Variants in VPS13C observed in about 807,000 individuals in gnomAD.
VPS13C encodes vacuolar protein sorting 13 homolog C, also known as intermembrane lipid transfer protein VPS13C.
VPS13C carries 358 observed loss-of-function variants against 456.8 expected under a neutral mutation model. That is an observed-to-expected ratio of 0.78 (90% CI 0.72 to 0.86). VPS13C has a LOEUF of 0.86. Among genes scored for constraint, VPS13C ranks in the 40% least tolerant of loss-of-function variants. The pLI is 0.00. For missense variants in VPS13C, 4,818 were observed against 4,385.4 expected, an observed-to-expected ratio of 1.10 and a Z score of -2.79; for synonymous variants, 1,578 against 1,486.7, an observed-to-expected ratio of 1.06 and a Z score of -1.41.
rs1207845692 is a variant in VPS13C at position 61,920,116 on chromosome 15, G to T, written c.7428C>A (p.Asn2476Lys). 1 of 1,613,206 alleles carries T rather than the reference G, an allele frequency of 6.2e-7. No homozygotes were observed. The highest frequency in any genetic ancestry group is 1.3e-5 in the African/African-American group (1 of 74,972). ...YASMVPSSQG[N>K]LSILSRQESS... ...TTTCTTGACGGCTCAATATAGATAG[G>T]TTCCCTTGACTTGAAGGTACCATGC... Residue 2476 changes from asparagine (N) to lysine (K), a missense_variant, in exon 57 of 85, where the codon AAC becomes AAA. By Grantham distance (94) the Asn-to-Lys change is moderately conservative. This residue lies in a region of VPS13C where 4,552 missense variants were observed against 4,130.6 expected (regional missense o/e 1.10). Transcript: ENST00000644861.
rs1566948253 is a variant in VPS13C at position 61,854,094 on chromosome 15, ACTAGTCATT to A, written c.*354_*362del. 1.4e-5 allele frequency: 3 copies of A among 208,504 alleles called. No individual in the cohort carries two copies. The highest frequency in any genetic ancestry group is 1.9e-5 in the Non-Finnish European group (2 of 103,880). The allele number at this position is 208,504 out of a possible 1,614,324, so 12.9% of individuals were successfully genotyped here. A position where few individuals can be genotyped will look rare whatever the true frequency, so the allele number is the denominator to read the frequency against. ...AAAATAAAAAAACCTTTCAAAGAAC[ACTAGTCATT>A]CTAAGCTCATTTCTTATTCTTCAGT... On this transcript the variant is annotated 3_prime_UTR_variant, in exon 85 of 85. Coordinates refer to ENST00000644861, the MANE Select transcript of VPS13C (RefSeq NM_020821.3).
rs762740494 is a variant in VPS13C, at chr15:61,911,963, T to C, written c.8592A>G (p.Arg2864=). The change falls in exon 63 of 85, where the codon CGA becomes CGG. Residue 2864 remains arginine, a synonymous_variant. Coordinates refer to ENST00000644861, the MANE Select transcript of VPS13C (RefSeq NM_020821.3). ...SIKMSSFNLS[R]IVTLTPFCTI... ...TACAAAAGGGAGTCAGGGTAACTAT[T>C]CGTGAAAGGTTGAAACTGCTCATTT... 1.2e-6 allele frequency: 2 copies of C among 1,611,248 alleles called. No individual in the cohort carries two copies. Among genetic ancestry groups the C allele is most frequent in the South Asian group, 2.2e-5 (2 of 90,338 alleles).
chr15:61,892,878 G>C (rs1426307508), intron 66 of VPS13C, among the ~76,000 whole-genome samples: 1 of 152,198 alleles, frequency 6.6e-6, no homozygotes, highest in Admixed American at 6.5e-5. Flanking sequence ...CTCAACAGCA[G>C]ACTGGATCAA....
At chr15:61,886,930 G>C (rs976160959) in intron 67 of VPS13C, among the ~76,000 whole-genome samples, 2 of 152,102 alleles carry the variant, frequency 1.3e-5, no homozygotes, top group African/African-American at 4.8e-5. Context: ...TTGATAAAGA[G>C]CACCTACAAA....
rs2043310414 is a variant in VPS13C at position 61,911,844 on chromosome 15, GA to G, written c.8710del (p.Ser2904GlnfsTer17). On this transcript the variant is annotated frameshift_variant, in exon 63 of 85. Transcript: ENST00000644861. LOFTEE classifies it high-confidence loss of function. ...PTNKWNYIAS[S>X]ECLPFWPESL... ...TGTAACAAAGAAAAATGCTACCTCT[GA>G]AGAAGCAATATAGTTCCATTTATTA... 6.3e-7 allele frequency: 1 copy of G among 1,591,862 alleles called. No individual in the cohort carries two copies.
chr15:61,995,175 G>C (rs957494569), intron 16 of VPS13C, among the ~76,000 whole-genome samples: 20 of 152,098 alleles, frequency 1.3e-4, no homozygotes, highest in Non-Finnish European at 2.9e-5. Flanking sequence ...ACTAATTTCA[G>C]TGAAAGTTTT....
chr15:62,030,172 A>G (rs965165093), intron 5 of VPS13C, among the ~76,000 whole-genome samples: 3 of 152,196 alleles, frequency 2.0e-5, no homozygotes, highest in African/African-American at 2.4e-5. Context: ...GTAGCATGTG[A>G]AAAAGAATTA....
At chr15:62,012,311 G>A in intron 11 of VPS13C, 147 bp from the exon 12 acceptor site, 1 of 524,662 alleles carries the variant, frequency 1.9e-6, no homozygotes, top group Non-Finnish European at 3.4e-6. Context: ...TAGTCAATAA[G>A]AAAAATACAC....
At chr15:62,014,452 G>A (rs1324720926) in intron 9 of VPS13C, among the ~76,000 whole-genome samples, 5 of 152,116 alleles carry the variant, frequency 3.3e-5, no homozygotes, top group African/African-American at 4.8e-5. Flanking sequence ...GGGCGTTATT[G>A]AGAAACTTGT....
At chr15:61,906,887 C>T (rs2043167038) in intron 66 of VPS13C, 1 of 204,142 alleles carries the variant, frequency 4.9e-6, no homozygotes, top group Non-Finnish European at 1.0e-5. Context: ...TAACAAAATA[C>T]ATAGCTGTGC....
chr15:61,994,864 A>G (rs1303151378), intron 16 of VPS13C, among the ~76,000 whole-genome samples: 2 of 152,234 alleles, frequency 1.3e-5, no homozygotes, highest in Non-Finnish European at 2.9e-5. Flanking sequence ...CTGGGATTAC[A>G]GGAGTGGGCC....
At chr15:62,058,533 CACTT>C (rs1198508721) in intron 1 of VPS13C, among the ~76,000 whole-genome samples, 2 of 152,118 alleles carry the variant, frequency 1.3e-5, no homozygotes, top group Non-Finnish European at 2.9e-5. Context: ...ATTTACATAG[CACTT>C]ACTTATTGGG....
At position 61,910,168 on chromosome 15, in the gene VPS13C, A is replaced by G; in HGVS notation, c.8844+9T>C. ...AAAAATAAAAATAAAATAAAATATG[A>G]AAACTTACCAGATCTTCTAAGCTCA... On this transcript the variant is annotated intron_variant, in intron 64 of 84. Transcript: ENST00000644861. 7.6e-7 allele frequency: 1 copy of G among 1,312,852 alleles called. No individual in the cohort carries two copies. The highest frequency in any genetic ancestry group is 9.8e-7 in the Non-Finnish European group (1 of 1,022,922). 81.3% of individuals were successfully genotyped at this position (1,312,852 alleles called of 1,614,324 possible). A position where few individuals can be genotyped will look rare whatever the true frequency, so the allele number is the denominator to read the frequency against.
At chr15:61,970,505 TAAAG>T (rs2045513653) in intron 27 of VPS13C, among the ~76,000 whole-genome samples, 1 of 152,090 alleles carries the variant, frequency 6.6e-6, no homozygotes, top group East Asian at 1.9e-4. Context: ...TAAAAATACT[TAAAG>T]AAGAGGCCAA....
At chr15:61,910,145 A>G (rs972838900) in intron 64 of VPS13C, 32 bp downstream of exon 64, 1 of 1,170,176 alleles carries the variant, frequency 8.5e-7, no homozygotes, top group Non-Finnish European at 1.1e-6. Flanking sequence ...AAATAAATAA[A>G]AATAAAAATA....
intron 16 of VPS13C, among the ~76,000 whole-genome samples, chr15:61,995,622 C>T (rs1044360468): frequency 2.6e-5 from 4 of 152,178 alleles, no homozygotes; most frequent in Non-Finnish European, 5.9e-5. Flanking sequence ...AGGCAAGGAA[C>T]TGAAGATGAT....
intron 77 of VPS13C, among the ~76,000 whole-genome samples, chr15:61,873,978 A>AC (rs1895224757): frequency 6.6e-6 from 1 of 151,754 alleles, no homozygotes. Flanking sequence ...ACACACACAC[A>AC]AACAGAATAC....
At position 61,920,294 on chromosome 15, in the gene VPS13C, G is replaced by C; in HGVS notation, c.7250C>G (p.Ser2417Cys). 2 of 1,610,560 alleles carry C rather than the reference G, an allele frequency of 1.2e-6. No individual in the cohort carries two copies. Among genetic ancestry groups the C allele is most frequent in the South Asian group, 1.1e-5 (1 of 90,670 alleles). Residue 2417 changes from serine (S) to cysteine (C), a missense_variant, in exon 57 of 85, where the codon TCT (serine) becomes TGT (cysteine). By Grantham distance (112) the Ser-to-Cys change is moderately radical. Around this residue, in one of 3 missense-constraint regions of VPS13C, gnomAD observed 4,552 missense variants for 4,130.6 expected, o/e 1.10. Transcript: ENST00000644861. ...SEGTASTFDY[S>C]LKDRAPFTVK... ...CGTAAAAGGAGCTCTGTCCTTTAAAGAGTAGTCAAAAGTAGAAGCAGTGCC... is the reference window on the plus strand; with the variant it reads ...CGTAAAAGGAGCTCTGTCCTTTAAACAGTAGTCAAAAGTAGAAGCAGTGCC...
At chr15:62,040,597 T>C (rs535863229) in intron 3 of VPS13C, among the ~76,000 whole-genome samples, 2 of 152,146 alleles carry the variant, frequency 1.3e-5, no homozygotes, top group African/African-American at 2.4e-5. Flanking sequence ...AGATTACCTA[T>C]TGGATACAAA....
Sources: allele counts gnomAD v4.1 joint callset (sites outside exome capture counted in the v4.1 genomes callset), GRCh38; gene constraint gnomAD v4.1.1; regional missense constraint gnomAD v4.1.1; transcripts MANE v1.5; gene names NCBI Gene and HGNC (gene_info 2026-07-23, HGNC 2026-07-21).